RIOK1: variants seen among roughly 807,000 people sequenced by gnomAD.
The protein encoded by RIOK1 is serine/threonine-protein kinase RIO1.
RIOK1 carries 66 observed loss-of-function variants against 73.5 expected under a neutral mutation model. The ratio of observed to expected loss-of-function variants is 0.90; its 90% CI spans 0.74 to 1.10. The LOEUF is 1.10. Among genes scored for constraint, RIOK1 ranks in the 50% least tolerant of loss-of-function variants. The probability of loss-of-function intolerance (pLI) is 0.00; values close to 1 mark genes in which losing one functional copy is unlikely to be tolerated. For missense variants in RIOK1, 658 were observed against 699.8 expected, an observed-to-expected ratio of 0.94 and a Z score of 0.67; for synonymous variants, 224 against 226.8, an observed-to-expected ratio of 0.99 and a Z score of 0.11.
In RIOK1 at chr6:7,417,404, G is replaced by A; in HGVS notation, c.1670G>A (p.Arg557Lys). Residue 557 changes from arginine (R) to lysine (K), a missense_variant, in exon 17 of 17, where the codon AGA becomes AAA. Arg to Lys is a conservative substitution (Grantham distance 26). Coordinates refer to ENST00000379834, the MANE Select transcript of RIOK1 (RefSeq NM_031480.3). The stretch of plus-strand genomic sequence containing the variant: ...AAAATTCCTAAACATGTGAAAAAAA[G>A]AAAGGAGAAGACAGCCAAGACGAAA... ...KNKIPKHVKK[R>K]KEKTAKTKKG... 7 of 1,568,376 alleles carry A rather than the reference G, an allele frequency of 4.5e-6. No homozygotes were observed. Among genetic ancestry groups the A allele is most frequent in the Non-Finnish European group, 6.1e-6 (7 of 1,156,028 alleles).
chr6:7,394,923 C>T (rs958882542), intron 2 of RIOK1, 130 bp from the exon 3 acceptor site: 5 of 1,436,274 alleles, frequency 3.5e-6, no homozygotes, highest in Non-Finnish European at 4.8e-6. Context: ...TTGATTGACT[C>T]TTACCTTTCC....
Position 7,404,488 on chromosome 6 carries a change from C to G in RIOK1, c.925C>G (p.Gln309Glu). The stretch of plus-strand genomic sequence containing the variant: ...TCGGGAGTTGTACCTGCAGGTCATT[C>G]AGTACATGAGAAGAATGTATCAGGA... ...KARELYLQVI[Q>E]YMRRMYQDAR... The change falls in exon 10 of 17, where the codon CAG (glutamine) becomes GAG (glutamate). Residue 309 changes from glutamine (Q) to glutamate (E), a missense_variant. Transcript: ENST00000379834. 6.8e-6 allele frequency: 11 copies of G among 1,614,084 alleles called. No homozygotes were observed. The highest frequency in any genetic ancestry group is 8.5e-6 in the Non-Finnish European group (10 of 1,179,950).
In RIOK1 at chr6:7,400,725, C is replaced by T. The variant is rs1420581299; in HGVS notation, c.481-233C>T. Among the ~76,000 whole-genome samples, 9 of 152,200 alleles carry T rather than the reference C, an allele frequency of 5.9e-5. No homozygotes were observed. In the East Asian group the frequency reaches 1.5e-3, roughly 26 times the overall value. The stretch of plus-strand genomic sequence containing the variant: ...TCTTGAACTTGGTTGCCTTTGATTT[C>T]CATGACTGGATGAACTTGCTAGTTG... On this transcript the variant is annotated intron_variant, in intron 5 of 16. Coordinates refer to ENST00000379834, the MANE Select transcript of RIOK1 (RefSeq NM_031480.3).
chr6:7,403,539 C>T (rs571083248), intron 8 of RIOK1, among the ~76,000 whole-genome samples: 4 of 152,236 alleles, frequency 2.6e-5, no homozygotes, highest in South Asian at 4.1e-4. Flanking sequence ...AAGTACTACT[C>T]GTTTTGAAAG....
chr6:7,390,129 C>G (rs1355570684), intron 1 of RIOK1, 56 bp downstream of exon 1: 6 of 1,444,804 alleles, frequency 4.2e-6, no homozygotes, highest in Non-Finnish European at 4.7e-6. Flanking sequence ...TGACCGCCCC[C>G]TTGGGGTGTG....
At position 7,395,048 on chromosome 6, in the gene RIOK1, TC is replaced by T. The variant is rs1561874216; in HGVS notation, c.277-4del. 1 of 1,613,766 alleles carries T rather than the reference TC, an allele frequency of 6.2e-7. No homozygotes were observed. The highest frequency in any genetic ancestry group is 8.5e-7 in the Non-Finnish European group (1 of 1,179,770). On this transcript the variant is annotated splice_region_variant and splice_polypyrimidine_tract_variant and intron_variant, in intron 2 of 16. Coordinates refer to ENST00000379834, the MANE Select transcript of RIOK1 (RefSeq NM_031480.3). ...AGTGCCTTAGACTCTGGAATTCCCT[TC>T]TAGGCAAATCGACAGACCTCCGACA... is the stretch of plus-strand genomic sequence containing the variant.
chr6:7,395,639 T>A (rs1416114484), intron 3 of RIOK1, among the ~76,000 whole-genome samples: 1 of 152,138 alleles, frequency 6.6e-6, no homozygotes, highest in Non-Finnish European at 1.5e-5. Context: ...TTATGCTATT[T>A]TGGTTGTTTT....
In RIOK1 at chr6:7,398,836, T is replaced by C. The variant is rs370063243; in HGVS notation, c.480+96T>C. On this transcript the variant is annotated intron_variant, in intron 5 of 16. Coordinates refer to ENST00000379834, the MANE Select transcript of RIOK1 (RefSeq NM_031480.3). ...TTTTATCCTTTTTGCTTAATGCTAA[T>C]GTTACCTAAAATTACTCCTATATAA... The C allele has an allele frequency of 5.8e-5, 58 of 1,003,728 alleles. No individual in the cohort carries two copies. In the African/African-American group the frequency reaches 8.2e-4, roughly 14 times the overall value. The allele number at this position is 1,003,728 out of a possible 1,614,324, so 62.2% of individuals were successfully genotyped here. A position where few individuals can be genotyped will look rare whatever the true frequency, so the allele number is the denominator to read the frequency against.
chr6:7,416,279 C>T (rs964948742), intron 16 of RIOK1, among the ~76,000 whole-genome samples: 2 of 152,180 alleles, frequency 1.3e-5, no homozygotes, highest in African/African-American at 4.8e-5. Context: ...GAATATGGAA[C>T]TTGTAAAGAA....
At chr6:7,402,577 TTTC>T in intron 6 of RIOK1, 23 bp from the exon 7 acceptor site, 3 of 1,537,642 alleles carry the variant, frequency 2.0e-6, no homozygotes, top group Non-Finnish European at 2.6e-6. Flanking sequence ...TAAACTTCAT[TTTC>T]TTTTTTTTTT....
At chr6:7,415,049 T>C (rs1192773844) in intron 16 of RIOK1, among the ~76,000 whole-genome samples, 1 of 152,232 alleles carries the variant, frequency 6.6e-6, no homozygotes, top group Non-Finnish European at 1.5e-5. Context: ...ACCCTTACTT[T>C]GCTTAATAAT....
intron 4 of RIOK1, 39 bp from the exon 5 acceptor site, chr6:7,398,650 CTCACTGAAT>C (rs745898506): frequency 6.8e-7 from 1 of 1,479,406 alleles, no homozygotes; most frequent in South Asian, 1.2e-5. Context: ...ATTTTGGCTT[CTCACTGAAT>C]TTTGAATGTG....
At chr6:7,392,385 C>T (rs1396405282) in intron 1 of RIOK1, among the ~76,000 whole-genome samples, 1 of 152,126 alleles carries the variant, frequency 6.6e-6, no homozygotes, top group Non-Finnish European at 1.5e-5. Context: ...CCATTTCTTC[C>T]CATCATGAAC....
At chr6:7,390,525 T>C (rs923810388) in intron 1 of RIOK1, among the ~76,000 whole-genome samples, 1 of 152,190 alleles carries the variant, frequency 6.6e-6, no homozygotes, top group African/African-American at 2.4e-5. Flanking sequence ...AATAATGATG[T>C]AGACTATGCA....
intron 4 of RIOK1, among the ~76,000 whole-genome samples, chr6:7,397,563 A>C (rs551809546): frequency 3.0e-4 from 45 of 152,350 alleles, no homozygotes; most frequent in African/African-American, 1.1e-3. Flanking sequence ...TTATATGCTA[A>C]TAACTCTAAA....
At chr6:7,412,997 A>C (rs1000617358) in intron 15 of RIOK1, 55 bp downstream of exon 15, 2 of 939,594 alleles carry the variant, frequency 2.1e-6, no homozygotes, top group Non-Finnish European at 3.2e-6. Context: ...TAAAGGATAT[A>C]AACTCTAGTC....
At chr6:7,408,620 A>G (rs1761807294) in intron 12 of RIOK1, among the ~76,000 whole-genome samples, 1 of 152,172 alleles carries the variant, frequency 6.6e-6, no homozygotes, top group Admixed American at 6.5e-5. Flanking sequence ...CCAAGTACCC[A>G]ATATCTGGCC....
intron 12 of RIOK1, among the ~76,000 whole-genome samples, chr6:7,406,381 A>G (rs571172966): frequency 2.6e-5 from 4 of 152,324 alleles, no homozygotes; most frequent in African/African-American, 7.2e-5. Context: ...ATTTGAATGT[A>G]TGGTTCAGTG....
intron 3 of RIOK1, 81 bp from the exon 4 acceptor site, chr6:7,396,622 G>A: frequency 2.7e-6 from 2 of 728,400 alleles, no homozygotes; most frequent in Non-Finnish European, 4.8e-6. Flanking sequence ...AAGGAAGAGG[G>A]GAGAAATACC....
Sources: allele counts gnomAD v4.1 joint callset (sites outside exome capture counted in the v4.1 genomes callset), GRCh38; gene constraint gnomAD v4.1.1; transcripts MANE v1.5; gene names NCBI Gene and HGNC (gene_info 2026-07-23, HGNC 2026-07-21).